Variants in SMS observed in about 807,000 individuals in gnomAD.
SMS encodes spermidine aminopropyltransferase.
A neutral mutation model predicts 33.0 loss-of-function variants in SMS; 3 were observed. The ratio of observed to expected loss-of-function variants is 0.09; its 90% CI spans 0.04 to 0.23. The LOEUF (loss-of-function observed/expected upper bound fraction) is 0.23. Ranked by LOEUF, SMS falls within the 10% of genes least tolerant of loss-of-function variation. The pLI, the probability that SMS is intolerant of heterozygous loss-of-function variation, is 1.00. For synonymous variants in SMS, 103 were observed against 112.2 expected (o/e 0.92, Z 0.52); for missense variants, 117 against 288.6 (o/e 0.41, Z 4.31).
At chrX:21,966,489 A>C (rs1262348279) in intron 1 of SMS, among the ~76,000 whole-genome samples, 1 of 111,340 alleles carries the variant, frequency 9.0e-6, no homozygotes, top group Non-Finnish European at 1.9e-5. Flanking sequence ...ACCTGGGAAC[A>C]CTGATTGCAC....
Position 21,977,089 on chromosome X carries a change from A to G in SMS, c.358A>G (p.Ile120Val), listed in dbSNP as rs886995286. Reference sequence around the variant, plus strand: ...ACCACCCATAGTGCGAGGAGGAGCCATCGACAGATACTGGCCCACCGCCGA... The same window carrying G: ...ACCACCCATAGTGCGAGGAGGAGCCGTCGACAGATACTGGCCCACCGCCGA... ...RLPPIVRGGAIDRYWPTADGR... is the reference protein window; with the variant it reads ...RLPPIVRGGAVDRYWPTADGR... The change falls in exon 5 of 11, where the codon ATC (isoleucine) becomes GTC (valine). Residue 120 changes from isoleucine to valine, a missense_variant. Coordinates refer to ENST00000404933, the MANE Select transcript of SMS (RefSeq NM_004595.5). The G allele has an allele frequency of 2.6e-5, 32 of 1,209,174 alleles. No homozygotes were observed. The highest frequency in any genetic ancestry group is 3.4e-5 in the Non-Finnish European group (30 of 894,274).
chrX:21,954,595 A>G (rs185980588), intron 1 of SMS, among the ~76,000 whole-genome samples: 20 of 111,645 alleles, frequency 1.8e-4, no homozygotes, highest in African/African-American at 6.5e-4. Flanking sequence ...AGCACCTCCT[A>G]GGTGCTGAGT....
At chrX:21,962,615 C>T (rs1341091291) in intron 1 of SMS, among the ~76,000 whole-genome samples, 1 of 111,705 alleles carries the variant, frequency 9.0e-6, no homozygotes, top group Non-Finnish European at 1.9e-5. Context: ...CTTAATTGGC[C>T]TAATGTGTGG....
chrX:21,991,003 G>A, intron 9 of SMS, among the ~76,000 whole-genome samples: 1 of 112,117 alleles, frequency 8.9e-6, no homozygotes, highest in African/African-American at 3.2e-5. Flanking sequence ...GAGTGAATGT[G>A]CTAAGTTAAA....
At chrX:21,948,439 C>CTTTTTTTTTTTTTTTTTT (rs59082770) in intron 1 of SMS, among the ~76,000 whole-genome samples, 2 of 80,206 alleles carry the variant, frequency 2.5e-5, no homozygotes, top group Non-Finnish European at 4.6e-5. Flanking sequence ...GTCAATGTGT[C>CTTTTTTTTTTTTTTTTTT]TTTTTTTTTT....
In SMS at chrX:21,979,188, C is replaced by CTT. The variant is rs11447531; in HGVS notation, c.750+232_750+233dup. ...TTCTCTGAATTAAATAAAATTAATT[C>CTT]TTTTTTTTTTTATTATACTTTCAGT... On this transcript the variant is annotated intron_variant, in intron 7 of 10. Coordinates refer to ENST00000404933, the MANE Select transcript of SMS (RefSeq NM_004595.5). Among the ~76,000 whole-genome samples, 371 of 102,661 alleles carry CTT rather than the reference C, an allele frequency of 3.6e-3. 7 individuals are homozygous for CTT. The South Asian group carries it at 0.071, about 20-fold the overall frequency. The allele number at this position is 102,661 out of a possible 115,157, so 89.1% of individuals were successfully genotyped here. A position where few individuals can be genotyped will look rare whatever the true frequency, so the allele number is the denominator to read the frequency against.
intron 1 of SMS, among the ~76,000 whole-genome samples, chrX:21,952,421 G>T (rs3070306): frequency 0.012 from 397 of 33,246 alleles, 10 homozygotes; most frequent in African/African-American, 0.019. Context: ...TTGTTTGTTT[G>T]TTTTTTTTTT....
intron 1 of SMS, among the ~76,000 whole-genome samples, chrX:21,950,172 A>G (rs906808982): frequency 5.4e-5 from 6 of 111,464 alleles, no homozygotes; most frequent in African/African-American, 2.0e-4. Context: ...TGAGTCACTA[A>G]TGTTACTGGT....
rs756134061 is a variant in SMS at position 21,950,608 on chromosome X, C to T, written c.49+9735C>T. 5.0e-3 allele frequency among the ~76,000 whole-genome samples: 538 copies of T among 108,008 alleles called. 3 individuals carry two copies. Among genetic ancestry groups the T allele is most frequent in the African/African-American group, 0.018 (524 of 29,530 alleles). 93.8% of individuals were successfully genotyped at this position (108,008 alleles called of 115,157 possible). On this transcript the variant is annotated intron_variant, in intron 1 of 10. Coordinates refer to ENST00000404933, the MANE Select transcript of SMS (RefSeq NM_004595.5). ...CTCTCCCTCCCCTTGCCCCCCACCC[C>T]CTGACAGGCCCAGGTGTATGATGTT...
chrX:21,974,352 G>A (rs1446314022), intron 4 of SMS, among the ~76,000 whole-genome samples: 1 of 112,007 alleles, frequency 8.9e-6, no homozygotes, highest in East Asian at 2.8e-4. Flanking sequence ...ATCTGTTAGA[G>A]CACTCAGGCT....
At chrX:21,945,771 C>G (rs146980975) in intron 1 of SMS, among the ~76,000 whole-genome samples, 1 of 108,633 alleles carries the variant, frequency 9.2e-6, no homozygotes, top group Non-Finnish European at 1.9e-5. Flanking sequence ...ATTACAGGCA[C>G]GCGGCACCAC....
intron 4 of SMS, 61 bp from the exon 5 acceptor site, chrX:21,977,000 C>T (rs1203623315): frequency 9.3e-6 from 10 of 1,076,183 alleles, no homozygotes; most frequent in Non-Finnish European, 1.2e-5. Context: ...ACTCTTCATC[C>T]TAGCTCCACT....
At chrX:21,976,914 A>G in intron 4 of SMS, 147 bp from the exon 5 acceptor site, 1 of 556,046 alleles carries the variant, frequency 1.8e-6, no homozygotes, top group Non-Finnish European at 3.2e-6. Flanking sequence ...CCGTGATTAT[A>G]TAAAACTAAA....
chrX:21,970,808 C>G (rs1476093639), intron 2 of SMS, among the ~76,000 whole-genome samples: 1 of 98,337 alleles, frequency 1.0e-5, no homozygotes, highest in Non-Finnish European at 2.0e-5. Flanking sequence ...AATTGATCTT[C>G]TAATTTAGTA....
intron 9 of SMS, among the ~76,000 whole-genome samples, chrX:21,987,214 C>G (rs1305686224): frequency 1.8e-5 from 2 of 111,779 alleles, no homozygotes; most frequent in African/African-American, 6.5e-5. Flanking sequence ...TCAGGCTGGT[C>G]TCGAACTCCC....
At chrX:21,942,569 A>T (rs1319793135) in intron 1 of SMS, among the ~76,000 whole-genome samples, 1 of 111,972 alleles carries the variant, frequency 8.9e-6, no homozygotes. Context: ...CACATTTCTT[A>T]GGTGAGGATG....
chrX:21,967,128 G>A (rs1923786397), intron 1 of SMS, 68 bp from the exon 2 acceptor site: 5 of 1,071,536 alleles, frequency 4.7e-6, no homozygotes, highest in African/African-American at 1.9e-5. Flanking sequence ...TCCTCAAACT[G>A]TGCCTCATTG....
At chrX:21,956,960 G>T (rs1271281428) in intron 1 of SMS, among the ~76,000 whole-genome samples, 3 of 111,421 alleles carry the variant, frequency 2.7e-5, no homozygotes, top group South Asian at 3.7e-4. Flanking sequence ...AGCTGTGTGG[G>T]AGCTGGGCAC....
rs773564209 is a variant in SMS at position 21,977,291 on chromosome X, A to G, written c.505+55A>G. 184 of 1,060,235 alleles carry G rather than the reference A, an allele frequency of 1.7e-4. No homozygotes were observed. In the East Asian group the frequency reaches 3.2e-3, roughly 18 times the overall value. The allele number at this position is 1,060,235 out of a possible 1,213,427, so 87.4% of individuals were successfully genotyped here. ...TAACAAAGTGGTGATGTGTTGAATGATGGTGTTTTCCTGACAATTACTACT... is the reference window on the plus strand; with the variant it reads ...TAACAAAGTGGTGATGTGTTGAATGGTGGTGTTTTCCTGACAATTACTACT... On this transcript the variant is annotated intron_variant, in intron 5 of 10. Transcript: ENST00000404933.
Sources: gnomAD v4.1 joint callset for allele counts (sites outside exome capture counted in the v4.1 genomes callset) on GRCh38, gnomAD v4.1.1 for gene constraint, MANE v1.5 for transcripts, NCBI Gene and HGNC (gene_info 2026-07-23, HGNC 2026-07-21) for gene names.